Variants in TPCN2 observed in about 807,000 individuals in gnomAD.
The protein encoded by TPCN2 is two pore segment channel 2.
TPCN2 carries 92 observed loss-of-function variants against 111.4 expected under a neutral mutation model. That is an observed-to-expected ratio of 0.83 (90% CI 0.70 to 0.98). TPCN2 has a LOEUF of 0.98. TPCN2 is among the 50% of genes least tolerant of loss of function. The pLI is 0.00. For missense variants in TPCN2, 995 were observed against 980.1 expected (o/e 1.02, Z -0.20); for synonymous variants, 405 against 414.5 (o/e 0.98, Z 0.28).
At chr11:69,063,536 C>G (rs887233148) in intron 6 of TPCN2, among the ~76,000 whole-genome samples, 1 of 152,108 alleles carries the variant, frequency 6.6e-6, no homozygotes, top group East Asian at 1.9e-4. Flanking sequence ...CCAGTGGCAG[C>G]GTTGCCCGAG....
intron 9 of TPCN2, among the ~76,000 whole-genome samples, chr11:69,071,039 C>T (rs1318353878): frequency 3.4e-5 from 5 of 148,224 alleles, no homozygotes; most frequent in Non-Finnish European, 6.0e-5. Context: ...AACAGCTTCA[C>T]CCCAGGGATC....
chr11:69,086,464 T>A, intron 22 of TPCN2, 59 bp from the exon 23 acceptor site: 1 of 1,427,514 alleles, frequency 7.0e-7, no homozygotes, highest in Non-Finnish European at 9.9e-7. Flanking sequence ...GTGGTGTTTG[T>A]ATCGAGTGCT....
In TPCN2 at chr11:69,081,436, C is replaced by G; in HGVS notation, c.1626C>G (p.Asp542Glu). The G allele has an allele frequency of 6.4e-7, 1 of 1,571,094 alleles. No individual in the cohort carries two copies. The highest frequency in any genetic ancestry group is 1.3e-5 in the African/African-American group (1 of 74,182). ...PEMVGLLSLW[D>E]MTRMLNMLIV... ...TGGTGGGCCTGCTGTCGCTGTGGGA[C>G]ATGACCCGCATGCTGAACATGCTCA... is the stretch of plus-strand genomic sequence containing the variant. The change falls in exon 18 of 25, where the codon GAC (aspartate) becomes GAG (glutamate). Residue 542 changes from aspartate to glutamate, a missense_variant. Physicochemically the swap from Asp to Glu is conservative, Grantham distance 45 (BLOSUM62 2). Coordinates refer to ENST00000294309, the MANE Select transcript of TPCN2 (RefSeq NM_139075.4).
chr11:69,067,549 T>C lies in TPCN2; in HGVS notation c.773T>C (p.Leu258Pro), dbSNP rs370975728. Residue 258 changes from leucine (L) to proline (P), a missense_variant, in exon 8 of 25, where the codon CTG becomes CCG. By Grantham distance (98) the Leu-to-Pro change is moderately conservative. Transcript: ENST00000294309. ...DRERLTYFQN[L>P]PESLTSLLVL... is the part of the protein sequence containing the mutation. Reference sequence around the variant, plus strand: ...GAGAGGCTGACCTACTTCCAGAACCTGCCTGAGTCTCTGACTTCCCTCCTG... The same window carrying C: ...GAGAGGCTGACCTACTTCCAGAACCCGCCTGAGTCTCTGACTTCCCTCCTG... 5.2e-5 allele frequency: 84 copies of C among 1,614,010 alleles called. No individual in the cohort carries two copies. The African/African-American group carries it at 7.2e-4, about 14-fold the overall frequency.
chr11:69,085,341 G>GT, intron 20 of TPCN2, 55 bp downstream of exon 20: 1 of 1,388,262 alleles, frequency 7.2e-7, no homozygotes, highest in Non-Finnish European at 1.0e-6. Context: ...TGGGGTGGGC[G>GT]GGAAGCCTTG....
chr11:69,067,862 CCCT>C, intron 8 of TPCN2, among the ~76,000 whole-genome samples: 1 of 152,184 alleles, frequency 6.6e-6, no homozygotes, highest in East Asian at 1.9e-4. Flanking sequence ...CTTTCTCACT[CCCT>C]CCTCCCTTTT....
chr11:69,076,577 TCTGTCCCTCCACCTGCCCTCCTGCC>T (rs1855762562), intron 13 of TPCN2, among the ~76,000 whole-genome samples: 2 of 38,840 alleles, frequency 5.1e-5, no homozygotes. Context: ...GCCCTCCTGC[TCTGTCCCTCCACCTGCCCTCCTGCC>T]GTGTCCCTCC....
chr11:69,058,777 C>A (rs10896401), intron 5 of TPCN2, among the ~76,000 whole-genome samples: 65,946 of 152,178 alleles, frequency 0.43, 15,940 homozygotes, highest in Non-Finnish European at 0.56. Context: ...TTCCCGCAGC[C>A]TCCTCCCTGC....
rs1364386712 is a variant in TPCN2 at position 69,081,398 on chromosome 11, A to G, written c.1590-2A>G. The G allele has an allele frequency of 7.1e-6, 11 of 1,546,440 alleles. No homozygotes were observed. Among genetic ancestry groups the G allele is most frequent in the Non-Finnish European group, 8.7e-7 (1 of 1,145,966 alleles). On this transcript the variant is annotated splice_acceptor_variant, in intron 17 of 24. Coordinates refer to ENST00000294309, the MANE Select transcript of TPCN2 (RefSeq NM_139075.4). LOFTEE classifies it high-confidence loss of function. ...CAACCCGCCTCCCGTGTCTCTCCCC[A>G]GGAGGCCGGAGATGGTGGGCCTGCT...
At chr11:69,057,552 T>G in intron 4 of TPCN2, 26 bp from the exon 5 acceptor site, 1 of 1,603,598 alleles carries the variant, frequency 6.2e-7, no homozygotes, top group Admixed American at 1.7e-5. Flanking sequence ...GGCTACTTGC[T>G]GCTCACCCGC....
chr11:69,085,843 C>G lies in TPCN2; in HGVS notation c.1921-5C>G. ...CTCCTGGACCGCTGGTCTCTGCCCC[C>G]GCAGGCTGCCCTGGTCACTCTGTGG... On this transcript the variant is annotated splice_polypyrimidine_tract_variant and splice_region_variant and intron_variant, in intron 21 of 24. Transcript: ENST00000294309. 1.2e-6 allele frequency: 2 copies of G among 1,614,182 alleles called. No individual in the cohort carries two copies. Among genetic ancestry groups the G allele is most frequent in the Non-Finnish European group, 8.5e-7 (1 of 1,180,016 alleles).
Position 69,088,047 on chromosome 11 carries a change from C to T in TPCN2, c.*94C>T, listed in dbSNP as rs1856352216. The T allele has an allele frequency of 8.7e-7, 1 of 1,148,698 alleles. No homozygotes were observed. The highest frequency in any genetic ancestry group is 1.2e-6 in the Non-Finnish European group (1 of 813,988). 71.2% of individuals were successfully genotyped at this position (1,148,698 alleles called of 1,614,324 possible). A position where few individuals can be genotyped will look rare whatever the true frequency, so the allele number is the denominator to read the frequency against. ...AAGAGGCGGCCATGCTGTGGCCAGC[C>T]AGGCAGGAAGAGACCTTTCCTCTGA... On this transcript the variant is annotated 3_prime_UTR_variant, in exon 25 of 25. Coordinates refer to ENST00000294309, the MANE Select transcript of TPCN2 (RefSeq NM_139075.4).
chr11:69,074,408 C>T (rs1216967712), intron 13 of TPCN2, among the ~76,000 whole-genome samples: 1 of 152,234 alleles, frequency 6.6e-6, no homozygotes, highest in Non-Finnish European at 1.5e-5. Flanking sequence ...CTGTTTGGGA[C>T]AAGGCTGGGC....
At chr11:69,051,490 G>C (rs11823909) in intron 1 of TPCN2, among the ~76,000 whole-genome samples, 4,935 of 152,322 alleles carry the variant, frequency 0.032, 293 homozygotes, top group African/African-American at 0.11. Flanking sequence ...CAGGGTCACA[G>C]AGGATGATGG....
At chr11:69,055,137 C>A (rs765535152) in intron 3 of TPCN2, 38 bp from the exon 4 acceptor site, 2 of 1,602,680 alleles carry the variant, frequency 1.2e-6, no homozygotes, top group Non-Finnish European at 1.7e-6. Context: ...CTGAGGGCTG[C>A]TGGCTCCTGT....
intron 20 of TPCN2, 138 bp downstream of exon 20, chr11:69,085,424 C>T (rs1410117631): frequency 5.7e-6 from 5 of 884,126 alleles, no homozygotes; most frequent in South Asian, 2.9e-5. Context: ...CCTCCCTCCA[C>T]CCCCTTTTCC....
At chr11:69,073,960 A>G (rs906077458) in intron 13 of TPCN2, among the ~76,000 whole-genome samples, 1 of 137,652 alleles carries the variant, frequency 7.3e-6, no homozygotes, top group Non-Finnish European at 1.7e-5. Context: ...TAAGGACCCT[A>G]TTCAGATTGG....
At chr11:69,071,822 G>T in intron 10 of TPCN2, 101 bp from the exon 11 acceptor site, 3 of 1,120,112 alleles carry the variant, frequency 2.7e-6, no homozygotes, top group Non-Finnish European at 4.0e-6. Flanking sequence ...CCCCAAGGCT[G>T]CCCAGACTCC....
chr11:69,067,507 A>T lies in TPCN2; in HGVS notation c.731A>T (p.Asp244Val), dbSNP rs1318830855. The T allele has an allele frequency of 6.2e-7, 1 of 1,613,150 alleles. No individual in the cohort carries two copies. Among genetic ancestry groups the T allele is most frequent in the African/African-American group, 1.3e-5 (1 of 74,920 alleles). The change falls in exon 8 of 25, where the codon GAT (aspartate) becomes GTT (valine). Residue 244 changes from aspartate (D) to valine (V), a missense_variant. Physicochemically the swap from Asp to Val is radical, Grantham distance 152. Coordinates refer to ENST00000294309, the MANE Select transcript of TPCN2 (RefSeq NM_139075.4). The stretch of plus-strand genomic sequence containing the variant: ...AGCTGCCGCTTCTGCTCTTAGCAGG[A>T]TGATGGGCAGGACAGGGAGAGGCTG... ...GMLLFAGGKQDDGQDRERLTY... is the reference protein window; with the variant it reads ...GMLLFAGGKQVDGQDRERLTY...
Sources: allele counts gnomAD v4.1 joint callset (sites outside exome capture counted in the v4.1 genomes callset), GRCh38; gene constraint gnomAD v4.1.1; transcripts MANE v1.5; gene names NCBI Gene and HGNC (gene_info 2026-07-23, HGNC 2026-07-21).